Variants in ASCC2 observed in about 807,000 individuals in gnomAD.
ASCC2 encodes the protein activating signal cointegrator 1 complex subunit 2.
ASCC2 carries 42 observed loss-of-function variants against 93.5 expected under a neutral mutation model. The observed-to-expected ratio is 0.45, with a 90% CI of 0.35 to 0.58. ASCC2 has a LOEUF of 0.58. Among genes scored for constraint, ASCC2 ranks in the 20% least tolerant of loss-of-function variants. The pLI is 0.00. For synonymous variants in ASCC2, 364 were observed against 384.2 expected (o/e 0.95, Z 0.62); for missense variants, 859 against 977.6 (o/e 0.88, Z 1.62).
At chr22:29,828,454 T>C (rs551179946) in intron 2 of ASCC2, among the ~76,000 whole-genome samples, 1 of 152,296 alleles carries the variant, frequency 6.6e-6, no homozygotes, top group South Asian at 2.1e-4. Context: ...TTTCAGGAAC[T>C]TTCCCAAGGT....
At chr22:29,794,848 G>A (rs187591690) in intron 15 of ASCC2, among the ~76,000 whole-genome samples, 1 of 152,294 alleles carries the variant, frequency 6.6e-6, no homozygotes, top group Admixed American at 6.5e-5. Context: ...CGCTAACTCT[G>A]TTTCTATGGC....
chr22:29,814,861 T>TG, intron 6 of ASCC2, 94 bp from the exon 7 acceptor site: 1 of 942,466 alleles, frequency 1.1e-6, no homozygotes, highest in Non-Finnish European at 1.6e-6. Context: ...AAAACTGCCT[T>TG]GGAGTTTCTA....
Position 29,825,654 on chromosome 22 carries a change from G to A in ASCC2, c.208C>T (p.Leu70=), listed in dbSNP as rs1395931370. The change falls in exon 3 of 20, where the codon CTG becomes TTG. Residue 70 remains leucine, a synonymous_variant. Transcript: ENST00000307790. This position sits in a 1 kb window ranked among gnomAD's most constrained non-coding sequence, Gnocchi z 4.9. The part of the protein sequence containing the change: ...TFVANDLDWL[L]ALPHDKFWCQ... ...CAGAATTTATCGTGAGGCAAGGCCA[G>A]GAGCCAGTCGAGGTCATTGGCTACG... 1.2e-6 allele frequency: 2 copies of A among 1,614,124 alleles called. No individual in the cohort carries two copies. The highest frequency in any genetic ancestry group is 2.7e-5 in the African/African-American group (2 of 74,942).
At chr22:29,789,331 T>G (rs2068586405) in intron 19 of ASCC2, 147 bp from the exon 20 acceptor site, 1 of 1,010,496 alleles carries the variant, frequency 9.9e-7, no homozygotes, top group African/African-American at 1.6e-5. Flanking sequence ...GAAGGAGAGA[T>G]GGAGCCCAGC....
intron 2 of ASCC2, among the ~76,000 whole-genome samples, chr22:29,829,309 C>G (rs542677775): frequency 3.9e-5 from 6 of 152,322 alleles, no homozygotes; most frequent in South Asian, 2.1e-4. Context: ...CTGTCTCCCC[C>G]ACTAGCTTGT....
intron 5 of ASCC2, among the ~76,000 whole-genome samples, chr22:29,818,973 A>G (rs945554325): frequency 2.6e-5 from 4 of 151,916 alleles, no homozygotes; most frequent in Non-Finnish European, 4.4e-5. Flanking sequence ...CCCACCTCCT[A>G]CAAGGCCTCC....
rs12159450 is a variant in ASCC2, at chr22:29,824,753, A to C, written c.411+334T>G. Among the ~76,000 whole-genome samples, 159 of 152,140 alleles carry C rather than the reference A, an allele frequency of 1.0e-3. 1 individual carries two copies. The highest frequency in any genetic ancestry group is 3.8e-3 in the African/African-American group (156 of 41,492). ...TATTTTTAAAGTCAGGAAAAAAAAA[A>C]CAGTAAAGATTTTTAAAAAGAGTAC... On this transcript the variant is annotated intron_variant, in intron 4 of 19. Coordinates refer to ENST00000307790, the MANE Select transcript of ASCC2 (RefSeq NM_032204.5).
chr22:29,805,005 C>T (rs577571837), intron 12 of ASCC2, among the ~76,000 whole-genome samples, 175 bp from the exon 13 acceptor site: 82 of 152,274 alleles, frequency 5.4e-4, no homozygotes, highest in Non-Finnish European at 9.3e-4. Context: ...CAGACTACAG[C>T]CACTCTGGCC....
At chr22:29,813,610 GACA>G in intron 7 of ASCC2, 68 bp from the exon 8 acceptor site, 9 of 1,073,146 alleles carry the variant, frequency 8.4e-6, no homozygotes, top group Non-Finnish European at 1.3e-5. Context: ...GAGCACCTGA[GACA>G]ACATTAAAAC....
chr22:29,810,255 T>C (rs1025227081), intron 8 of ASCC2: 27 of 152,244 alleles, frequency 1.8e-4, no homozygotes, highest in Admixed American at 3.3e-4. Flanking sequence ...ATTGCCCTGT[T>C]GCCCTGGCAA....
At chr22:29,820,274 T>C (rs1015486121) in intron 5 of ASCC2, among the ~76,000 whole-genome samples, 1 of 151,994 alleles carries the variant, frequency 6.6e-6, no homozygotes, top group Non-Finnish European at 1.5e-5. Flanking sequence ...ACGATTCTCC[T>C]CCCTCAGCCT....
At chr22:29,807,333 A>G (rs1678069853) in intron 9 of ASCC2, among the ~76,000 whole-genome samples, 1 of 151,696 alleles carries the variant, frequency 6.6e-6, no homozygotes. Flanking sequence ...GCCTCCCTGG[A>G]GCAGAGAAGG....
chr22:29,834,614 T>A (rs1009962898), intron 1 of ASCC2: 3 of 469,276 alleles, frequency 6.4e-6, no homozygotes, highest in Non-Finnish European at 1.3e-5. Context: ...ATCTTTCAGC[T>A]TTGCAAAGCA....
At chr22:29,806,114 T>C in intron 12 of ASCC2, 102 bp downstream of exon 12, 3 of 1,336,104 alleles carry the variant, frequency 2.2e-6, no homozygotes, top group Non-Finnish European at 3.2e-6. Flanking sequence ...CCATGCGTTC[T>C]GGGGCTAAAC....
At chr22:29,792,557 A>G in intron 17 of ASCC2, 22 bp from the exon 18 acceptor site, 1 of 1,612,862 alleles carries the variant, frequency 6.2e-7, no homozygotes, top group African/African-American at 1.3e-5. Context: ...GAGAGAAATG[A>G]GATCAAAGAC....
intron 14 of ASCC2, 100 bp downstream of exon 14, chr22:29,801,894 A>C (rs2059127888): frequency 9.9e-7 from 1 of 1,006,784 alleles, no homozygotes; most frequent in Non-Finnish European, 1.5e-6. Context: ...AGAGAGAACA[A>C]GCTGAGTCCT....
Position 29,802,074 on chromosome 22 carries a change from G to A in ASCC2, c.1488C>T (p.Tyr496=), listed in dbSNP as rs149577921. 2.9e-5 allele frequency: 47 copies of A among 1,614,172 alleles called. No individual in the cohort carries two copies. In the East Asian group the frequency reaches 3.1e-4, roughly 11 times the overall value. The part of the protein sequence containing the change: ...FILACLEYYH[Y]DPEQVINNIL... Reference sequence around the variant, plus strand: ...TATTGTTGATCACCTGCTCTGGGTCGTAGTGGTAGTACTCCAGGCAGGCCA... The same window carrying A: ...TATTGTTGATCACCTGCTCTGGGTCATAGTGGTAGTACTCCAGGCAGGCCA... Residue 496 remains tyrosine, a synonymous_variant, in exon 14 of 20, where the codon TAC becomes TAT. Transcript: ENST00000307790.
intron 8 of ASCC2, among the ~76,000 whole-genome samples, chr22:29,809,542 G>A (rs918065149): frequency 6.6e-6 from 1 of 152,068 alleles, no homozygotes; most frequent in African/African-American, 2.4e-5. Flanking sequence ...CACTGTGGGA[G>A]GCTGAGGTGG....
chr22:29,805,896 A>G (rs2059617287), intron 12 of ASCC2, among the ~76,000 whole-genome samples: 1 of 150,066 alleles, frequency 6.7e-6, no homozygotes, highest in African/African-American at 2.5e-5. Flanking sequence ...CCCACGTGAC[A>G]CTCTATCTAA....
Sources: gnomAD v4.1 joint callset for allele counts (sites outside exome capture counted in the v4.1 genomes callset) on GRCh38, gnomAD v4.1.1 for gene constraint, Gnocchi (gnomAD v3.1) non-coding constraint, MANE v1.5 for transcripts, NCBI Gene and HGNC (gene_info 2026-07-23, HGNC 2026-07-21) for gene names.